The following ST6GALNAC3 variants were observed in gnomAD, a reference collection of about 807,000 sequenced individuals.
ST6GALNAC3 encodes the protein alpha-N-acetylgalactosaminide alpha-2,6-sialyltransferase 3.
Under a neutral mutation model 32.7 loss-of-function variants are expected in ST6GALNAC3, and 25 were observed. The observed-to-expected ratio is 0.76, with a 90% CI of 0.56 to 1.07. The LOEUF is 1.07. ST6GALNAC3 is among the 50% of genes least tolerant of loss of function. The probability of loss-of-function intolerance (pLI) is 0.00; values close to 1 mark genes in which losing one functional copy is unlikely to be tolerated. For synonymous variants in ST6GALNAC3, 129 were observed against 133.1 expected (o/e 0.97, Z 0.21); for missense variants, 355 against 382.4 (o/e 0.93, Z 0.60).
chr1:76,166,720 C>G (rs1402856539), intron 1 of ST6GALNAC3, among the ~76,000 whole-genome samples: 1 of 152,112 alleles, frequency 6.6e-6, no homozygotes, highest in Non-Finnish European at 1.5e-5. Flanking sequence ...TTTCACCTCC[C>G]TGGTTGGCTG....
chr1:76,543,232 T>C (rs935138473), intron 3 of ST6GALNAC3, among the ~76,000 whole-genome samples: 2 of 152,204 alleles, frequency 1.3e-5, no homozygotes, highest in Admixed American at 1.3e-4. Context: ...GCCTTGTTTT[T>C]AGACAGGAAT....
At chr1:76,329,336 A>C (rs1013447159) in intron 2 of ST6GALNAC3, among the ~76,000 whole-genome samples, 1 of 151,980 alleles carries the variant, frequency 6.6e-6, no homozygotes, top group Non-Finnish European at 1.5e-5. Flanking sequence ...CCCCATAACC[A>C]TTTTTCTCTG....
chr1:76,076,165 G>T (rs1373925035), intron 1 of ST6GALNAC3, among the ~76,000 whole-genome samples: 1 of 152,130 alleles, frequency 6.6e-6, no homozygotes, highest in African/African-American at 2.4e-5. Context: ...CTTAGCACAA[G>T]GACTGAAATA....
intron 3 of ST6GALNAC3, among the ~76,000 whole-genome samples, chr1:76,501,555 G>A (rs1334515645): frequency 2.6e-5 from 4 of 152,102 alleles, no homozygotes; most frequent in Non-Finnish European, 4.4e-5. Flanking sequence ...AATTGTAAGA[G>A]ATGGGTCAAA....
At chr1:76,614,575 C>T (rs938976503) in intron 3 of ST6GALNAC3, among the ~76,000 whole-genome samples, 2 of 151,768 alleles carry the variant, frequency 1.3e-5, no homozygotes, top group African/African-American at 2.4e-5. Flanking sequence ...AAAAATTAGC[C>T]GGGCGTGGTG....
intron 1 of ST6GALNAC3, chr1:76,142,916 A>G (rs1052760523): frequency 8.9e-6 from 4 of 450,812 alleles, no homozygotes; most frequent in African/African-American, 8.0e-5. Context: ...AGATCTGGGC[A>G]CACCGTATCT....
At chr1:76,627,371 C>A in intron 3 of ST6GALNAC3, 81 bp from the exon 4 acceptor site, 1 of 881,642 alleles carries the variant, frequency 1.1e-6, no homozygotes, top group Non-Finnish European at 1.8e-6. Flanking sequence ...AAATGTTGCT[C>A]GTTTCTCACA....
chr1:76,279,014 T>C (rs536720826), intron 1 of ST6GALNAC3, among the ~76,000 whole-genome samples: 1 of 152,320 alleles, frequency 6.6e-6, no homozygotes, highest in Non-Finnish European at 1.5e-5. Context: ...CTCCCCTCAC[T>C]AAGGTCAGCA....
At chr1:76,578,512 A>G (rs1430758907) in intron 3 of ST6GALNAC3, among the ~76,000 whole-genome samples, 2 of 151,962 alleles carry the variant, frequency 1.3e-5, no homozygotes, top group African/African-American at 4.8e-5. Flanking sequence ...CCATCTTTTT[A>G]TTGCTTGATT....
intron 1 of ST6GALNAC3, among the ~76,000 whole-genome samples, chr1:76,144,810 G>GT (rs2100299767): frequency 6.6e-6 from 1 of 152,282 alleles, no homozygotes; most frequent in Admixed American, 6.5e-5. Context: ...TCAAACATTG[G>GT]TTACCAACTG....
In ST6GALNAC3 at chr1:76,629,268, A is replaced by G; in HGVS notation, c.*462A>G. 2 of 990,454 alleles carry G rather than the reference A, an allele frequency of 2.0e-6. No homozygotes were observed. The highest frequency in any genetic ancestry group is 2.4e-6 in the Non-Finnish European group (2 of 833,726). 61.4% of individuals were successfully genotyped at this position (990,454 alleles called of 1,614,324 possible). A position where few individuals can be genotyped will look rare whatever the true frequency, so the allele number is the denominator to read the frequency against. ...TGATTGATTGTCAAACACTGACCCA[A>G]GAACTGCTATCAGGGTGCAAGTATC... On this transcript the variant is annotated 3_prime_UTR_variant, in exon 5 of 5. Transcript: ENST00000328299.
intron 3 of ST6GALNAC3, among the ~76,000 whole-genome samples, chr1:76,548,929 G>A (rs112956191): frequency 3.3e-5 from 5 of 152,262 alleles, no homozygotes; most frequent in African/African-American, 1.2e-4. Flanking sequence ...AGTGCCCTGT[G>A]CCTGATGAAT....
intron 1 of ST6GALNAC3, among the ~76,000 whole-genome samples, chr1:76,157,855 T>C (rs1557661352): frequency 1.3e-5 from 2 of 152,230 alleles, no homozygotes; most frequent in Non-Finnish European, 2.9e-5. Flanking sequence ...CAGTTTTGCC[T>C]TTTCCAGAAT....
At position 76,167,050 on chromosome 1, in the gene ST6GALNAC3, T is replaced by C. The variant is rs59420195; in HGVS notation, c.18+92166T>C. Among the ~76,000 whole-genome samples the C allele has an allele frequency of 6.2e-3, 944 of 152,288 alleles. 12 individuals are homozygous for C. The highest frequency in any genetic ancestry group is 0.022 in the African/African-American group (894 of 41,566). ...ACCCAATACTGTTGAATAAGAGTGG[T>C]GAGAGAGGGCATCCTTGTCTTGTGC... On this transcript the variant is annotated intron_variant, in intron 1 of 4. Transcript: ENST00000328299.
At chr1:76,223,059 A>G (rs1292985521) in intron 1 of ST6GALNAC3, among the ~76,000 whole-genome samples, 1 of 152,184 alleles carries the variant, frequency 6.6e-6, no homozygotes, top group Non-Finnish European at 1.5e-5. Context: ...CCAAAGAAAT[A>G]TAAATCATTC....
At chr1:76,096,865 C>T (rs935845983) in intron 1 of ST6GALNAC3, among the ~76,000 whole-genome samples, 1 of 150,984 alleles carries the variant, frequency 6.6e-6, no homozygotes, top group African/African-American at 2.4e-5. Flanking sequence ...CATTTCTAAA[C>T]ACTCTAGTTT....
chr1:76,591,117 G>A (rs1647040585), intron 3 of ST6GALNAC3, among the ~76,000 whole-genome samples: 1 of 152,118 alleles, frequency 6.6e-6, no homozygotes, highest in Non-Finnish European at 1.5e-5. Flanking sequence ...GGTTAGGAAA[G>A]GTTCCCTAAA....
intron 3 of ST6GALNAC3, among the ~76,000 whole-genome samples, chr1:76,613,306 AT>A (rs764055362): frequency 6.6e-6 from 1 of 152,128 alleles, no homozygotes; most frequent in Non-Finnish European, 1.5e-5. Flanking sequence ...ACTTCTTGCC[AT>A]TTTTTGGAGC....
intron 3 of ST6GALNAC3, among the ~76,000 whole-genome samples, chr1:76,484,204 G>C (rs1425279214): frequency 1.3e-5 from 2 of 152,122 alleles, no homozygotes; most frequent in Admixed American, 6.5e-5. Flanking sequence ...TGGCAATGTG[G>C]GCTCTTTTTT....
Sources: gnomAD v4.1 joint callset for allele counts (sites outside exome capture counted in the v4.1 genomes callset) on GRCh38, gnomAD v4.1.1 for gene constraint, MANE v1.5 for transcripts, NCBI Gene and HGNC (gene_info 2026-07-23, HGNC 2026-07-21) for gene names.